The following ASIC2 variants were observed in gnomAD, a reference collection of about 807,000 sequenced individuals.
The protein encoded by ASIC2 is acid-sensing ion channel 2.
ASIC2 carries 25 observed loss-of-function variants against 57.3 expected under a neutral mutation model. The observed-to-expected ratio is 0.44, with a 90% CI of 0.32 to 0.61. The LOEUF is 0.61. Among genes scored for constraint, ASIC2 ranks in the 20% least tolerant of loss-of-function variants. ASIC2 has a pLI of 0.06. For synonymous variants in ASIC2, 319 were observed against 307.5 expected (o/e 1.04, Z -0.39); for missense variants, 641 against 738.1 (o/e 0.87, Z 1.52).
intron 1 of ASIC2, among the ~76,000 whole-genome samples, chr17:33,650,605 T>C (rs1906886711): frequency 6.6e-6 from 1 of 152,120 alleles, no homozygotes; most frequent in Admixed American, 6.5e-5. Context: ...GTTAAACAAA[T>C]TGTGGTATCT....
At chr17:33,463,136 C>A (rs146985773) in intron 1 of ASIC2, among the ~76,000 whole-genome samples, 1 of 152,262 alleles carries the variant, frequency 6.6e-6, no homozygotes, top group East Asian at 1.9e-4. Flanking sequence ...GATTGTGGAT[C>A]CTTTCTAATG....
At chr17:33,049,219 C>CA (rs748704555) in intron 3 of ASIC2, among the ~76,000 whole-genome samples, 3 of 152,168 alleles carry the variant, frequency 2.0e-5, no homozygotes, top group Non-Finnish European at 4.4e-5. Flanking sequence ...CACAATGGAA[C>CA]ACAGTGACTT....
chr17:33,684,935 C>T (rs1597834807), intron 1 of ASIC2, among the ~76,000 whole-genome samples: 2 of 152,138 alleles, frequency 1.3e-5, no homozygotes, highest in South Asian at 4.1e-4. Context: ...AGATATTATG[C>T]GGAAGTCTAG....
intron 1 of ASIC2, among the ~76,000 whole-genome samples, chr17:33,215,364 C>T (rs977973983): frequency 3.3e-5 from 5 of 152,170 alleles, no homozygotes; most frequent in African/African-American, 4.8e-5. Context: ...TGTATCCTAG[C>T]ACTATCCAGG....
At chr17:33,713,455 C>A (rs1414835845) in intron 1 of ASIC2, among the ~76,000 whole-genome samples, 1 of 152,170 alleles carries the variant, frequency 6.6e-6, no homozygotes, top group Non-Finnish European at 1.5e-5. Context: ...AATCTCTTCT[C>A]CATCATCATG....
chr17:33,766,146 T>C (rs1432026913), intron 1 of ASIC2, among the ~76,000 whole-genome samples: 1 of 152,192 alleles, frequency 6.6e-6, no homozygotes, highest in Non-Finnish European at 1.5e-5. Flanking sequence ...ATGAGATATT[T>C]TGAGAGAGAG....
intron 1 of ASIC2, among the ~76,000 whole-genome samples, chr17:33,658,978 G>A (rs1907164233): frequency 6.6e-6 from 1 of 152,102 alleles, no homozygotes; most frequent in African/African-American, 2.4e-5. Flanking sequence ...ACTCCAACCT[G>A]GGCAACAGAG....
intron 1 of ASIC2, among the ~76,000 whole-genome samples, chr17:33,789,538 T>A (rs1177168183): frequency 6.6e-6 from 1 of 151,632 alleles, no homozygotes; most frequent in Non-Finnish European, 1.5e-5. Context: ...GATCCCTAAC[T>A]TGTATGGGCT....
chr17:34,086,985 C>G (rs983261529), intron 1 of ASIC2, among the ~76,000 whole-genome samples: 1 of 152,156 alleles, frequency 6.6e-6, no homozygotes, highest in Non-Finnish European at 1.5e-5. Flanking sequence ...GGTCTTGACT[C>G]TTTATCCAAT....
At chr17:33,671,554 C>G (rs536024596) in intron 1 of ASIC2, among the ~76,000 whole-genome samples, 1 of 152,270 alleles carries the variant, frequency 6.6e-6, no homozygotes, top group East Asian at 1.9e-4. Flanking sequence ...GAGAAGTGGA[C>G]TATTTAGTGT....
chr17:33,569,652 C>A (rs545832353), intron 1 of ASIC2, among the ~76,000 whole-genome samples: 1 of 152,044 alleles, frequency 6.6e-6, no homozygotes, highest in Non-Finnish European at 1.5e-5. Flanking sequence ...GCTATTTATT[C>A]TTTCATCCAC....
intron 1 of ASIC2, among the ~76,000 whole-genome samples, chr17:33,756,532 G>C (rs1216104373): frequency 6.7e-6 from 1 of 149,706 alleles, no homozygotes; most frequent in African/African-American, 2.5e-5. Context: ...TCCTTCCACT[G>C]TCCTGCCACC....
intron 1 of ASIC2, among the ~76,000 whole-genome samples, chr17:33,578,985 T>C (rs575621888): frequency 6.6e-6 from 1 of 152,114 alleles, no homozygotes; most frequent in East Asian, 1.9e-4. Context: ...TTGGAAGCGG[T>C]TATAGAATGC....
chr17:33,248,172 A>T (rs75065630), intron 1 of ASIC2, among the ~76,000 whole-genome samples: 1 of 152,278 alleles, frequency 6.6e-6, no homozygotes, highest in East Asian at 1.9e-4. Flanking sequence ...GGTGAAGGAG[A>T]GAACCTTGTG....
chr17:34,055,408 TAC>T (rs1369814749), intron 1 of ASIC2, among the ~76,000 whole-genome samples: 2 of 152,228 alleles, frequency 1.3e-5, no homozygotes, highest in Non-Finnish European at 2.9e-5. Flanking sequence ...CTGTCTTTTT[TAC>T]AGTTTTATTT....
intron 1 of ASIC2, among the ~76,000 whole-genome samples, chr17:34,036,375 G>T (rs1907877817): frequency 9.0e-6 from 1 of 111,186 alleles, no homozygotes; most frequent in Non-Finnish European, 1.7e-5. Context: ...ACTGTTGTGG[G>T]GTGGGGGGAG....
chr17:33,431,167 C>A (rs554338641), intron 1 of ASIC2, among the ~76,000 whole-genome samples: 1 of 152,292 alleles, frequency 6.6e-6, no homozygotes, highest in African/African-American at 2.4e-5. Context: ...ATTCGTGGGT[C>A]TGTGGCAACG....
chr17:33,277,476 A>T (rs1904751576), intron 1 of ASIC2, among the ~76,000 whole-genome samples: 1 of 152,198 alleles, frequency 6.6e-6, no homozygotes, highest in East Asian at 1.9e-4. Flanking sequence ...GGTTATCATG[A>T]AGATAACAGA....
intron 1 of ASIC2, among the ~76,000 whole-genome samples, chr17:33,241,357 C>T (rs954547842): frequency 2.0e-5 from 3 of 152,222 alleles, no homozygotes; most frequent in Admixed American, 6.5e-5. Context: ...ATTTCATTCA[C>T]GTGGTGGGAG....
Sources: gnomAD v4.1 joint callset for allele counts (sites outside exome capture counted in the v4.1 genomes callset) on GRCh38, gnomAD v4.1.1 for gene constraint, MANE v1.5 for transcripts, NCBI Gene and HGNC (gene_info 2026-07-23, HGNC 2026-07-21) for gene names.